The following NRG2 variants were observed in gnomAD, a reference collection of about 807,000 sequenced individuals.
NRG2 encodes neuregulin 2.
In NRG2, 27 loss-of-function variants were observed where a neutral mutation model predicts 73.9. That is an observed-to-expected ratio of 0.37 (90% CI 0.27 to 0.50). The LOEUF is 0.50. Ranked by LOEUF, NRG2 falls within the 20% of genes least tolerant of loss-of-function variation. The pLI is 0.96. For synonymous variants in NRG2, 532 were observed against 541.0 expected, an observed-to-expected ratio of 0.98 and a Z score of 0.23; for missense variants, 1,126 against 1,210.1, an observed-to-expected ratio of 0.93 and a Z score of 1.03.
intron 1 of NRG2, among the ~76,000 whole-genome samples, chr5:139,983,339 G>T (rs1281785539): frequency 1.3e-5 from 2 of 152,240 alleles, no homozygotes; most frequent in African/African-American, 4.8e-5. Flanking sequence ...TTCTGGGGAA[G>T]TTTCAGTGCC....
At position 139,904,604 on chromosome 5, in the gene NRG2, G is replaced by A. The variant is rs987516339; in HGVS notation, c.701-17093C>T. Among the ~76,000 whole-genome samples, 5 of 152,144 alleles carry A rather than the reference G, an allele frequency of 3.3e-5. No individual in the cohort carries two copies. The highest frequency in any genetic ancestry group is 2.6e-4 in the Admixed American group (4 of 15,288). ...CCACCGGCTCGGGCCGCGGGGGCGTGTGGGCGGCCGGTCTGGGCCCTAGGC... is the reference window on the plus strand; with the variant it reads ...CCACCGGCTCGGGCCGCGGGGGCGTATGGGCGGCCGGTCTGGGCCCTAGGC... On this transcript the variant is annotated intron_variant, in intron 1 of 9. Coordinates refer to ENST00000361474, the MANE Select transcript of NRG2 (RefSeq NM_004883.3). The surrounding 1 kb of genome is among the most constrained non-coding windows in gnomAD (Gnocchi z 6.0).
In NRG2 at chr5:140,031,416, G is replaced by A. The variant is rs138358568; in HGVS notation, c.700+10954C>T. Reference sequence around the variant, plus strand: ...TTTAAAAGAAACTCTTCACTTATGGGCCTTGGATTCAGCCTGTAACAACCG... The same window carrying A: ...TTTAAAAGAAACTCTTCACTTATGGACCTTGGATTCAGCCTGTAACAACCG... On this transcript the variant is annotated intron_variant, in intron 1 of 9. Transcript: ENST00000361474. 3.3e-5 allele frequency among the ~76,000 whole-genome samples: 5 copies of A among 152,260 alleles called. No individual in the cohort carries two copies. In the East Asian group the frequency reaches 9.7e-4, roughly 29 times the overall value.
intron 1 of NRG2, among the ~76,000 whole-genome samples, chr5:139,982,799 G>T (rs1006867083): frequency 2.0e-5 from 3 of 152,178 alleles, no homozygotes; most frequent in African/African-American, 4.8e-5. Context: ...CAGATCTTTT[G>T]TGTCGTACTC....
intron 1 of NRG2, among the ~76,000 whole-genome samples, chr5:139,933,120 C>G (rs1387753037): frequency 2.6e-5 from 4 of 151,952 alleles, no homozygotes; most frequent in African/African-American, 9.7e-5. Flanking sequence ...ACTAAAAATA[C>G]AAAAAATAGC....
At chr5:140,023,472 T>A (rs1760401612) in intron 1 of NRG2, among the ~76,000 whole-genome samples, 1 of 152,218 alleles carries the variant, frequency 6.6e-6, no homozygotes. Flanking sequence ...GTTCTCTGAA[T>A]CCTATAGTCT....
intron 1 of NRG2, among the ~76,000 whole-genome samples, chr5:140,032,627 C>T (rs1393690393): frequency 6.6e-6 from 1 of 152,158 alleles, no homozygotes; most frequent in Non-Finnish European, 1.5e-5. Context: ...ATTAACTTCA[C>T]CATATTTTAA....
At position 139,868,871 on chromosome 5, in the gene NRG2, G is replaced by A. The variant is rs1375557940; in HGVS notation, c.1112+2850C>T. 1.3e-5 allele frequency among the ~76,000 whole-genome samples: 2 copies of A among 151,990 alleles called. No homozygotes were observed. Among genetic ancestry groups the A allele is most frequent in the African/African-American group, 4.8e-5 (2 of 41,336 alleles). On this transcript the variant is annotated intron_variant, in intron 4 of 9. Coordinates refer to ENST00000361474, the MANE Select transcript of NRG2 (RefSeq NM_004883.3). This position sits in a 1 kb window ranked among gnomAD's most constrained non-coding sequence, Gnocchi z 4.2. ...CCTGGACATGGGTGGGGTAGGGGCA[G>A]AGGGATGAGGGGGATGAGCTGATGG...
intron 1 of NRG2, among the ~76,000 whole-genome samples, chr5:140,037,515 T>A (rs1215361571): frequency 6.6e-6 from 1 of 152,192 alleles, no homozygotes; most frequent in African/African-American, 2.4e-5. Flanking sequence ...GTAGATAAGA[T>A]CTTGGGCCAG....
chr5:139,944,888 C>A (rs563030901), intron 1 of NRG2, among the ~76,000 whole-genome samples: 1 of 152,224 alleles, frequency 6.6e-6, no homozygotes, highest in African/African-American at 2.4e-5. Context: ...TATAAGAGTT[C>A]CCTTCTCTCT....
At chr5:140,007,684 C>T (rs1448156665) in intron 1 of NRG2, among the ~76,000 whole-genome samples, 1 of 152,192 alleles carries the variant, frequency 6.6e-6, no homozygotes, top group African/African-American at 2.4e-5. Context: ...CCACCCAACC[C>T]CTGAGAAAGA....
chr5:139,851,483 C>T lies in NRG2; in HGVS notation c.1772+121G>A. 1 of 930,216 alleles carries T rather than the reference C, an allele frequency of 1.1e-6. No homozygotes were observed. The highest frequency in any genetic ancestry group is 1.6e-6 in the Non-Finnish European group (1 of 613,074). 57.6% of individuals were successfully genotyped at this position (930,216 alleles called of 1,614,324 possible). A position where few individuals can be genotyped will look rare whatever the true frequency, so the allele number is the denominator to read the frequency against. On this transcript the variant is annotated intron_variant, in intron 9 of 9. Coordinates refer to ENST00000361474, the MANE Select transcript of NRG2 (RefSeq NM_004883.3). This position sits in a 1 kb window ranked among gnomAD's most constrained non-coding sequence, Gnocchi z 4.2. ...CACCTTTTCTAGGACCTTGTTTTCC[C>T]ATATGAAAAATGGAGATGAGGCTCT...
intron 1 of NRG2, among the ~76,000 whole-genome samples, chr5:140,026,055 G>C (rs1001422995): frequency 6.6e-6 from 1 of 152,192 alleles, no homozygotes; most frequent in Admixed American, 6.5e-5. Context: ...GGAAGAGGAG[G>C]CAAGAAACTG....
At chr5:139,966,365 A>G (rs1218590621) in intron 1 of NRG2, among the ~76,000 whole-genome samples, 1 of 152,222 alleles carries the variant, frequency 6.6e-6, no homozygotes, top group Non-Finnish European at 1.5e-5. Context: ...CGAAACAAAT[A>G]AACAAAACCA....
intron 1 of NRG2, among the ~76,000 whole-genome samples, chr5:139,980,503 C>T (rs780435533): frequency 1.3e-5 from 2 of 152,160 alleles, no homozygotes; most frequent in South Asian, 4.1e-4. Flanking sequence ...CTGCTTTCAG[C>T]GTGTACCCTC....
intron 1 of NRG2, among the ~76,000 whole-genome samples, chr5:139,997,581 C>G (rs1003699781): frequency 1.3e-5 from 2 of 152,206 alleles, no homozygotes; most frequent in African/African-American, 4.8e-5. Context: ...ACTGTCTAAT[C>G]CTAGACTGAG....
At chr5:139,855,300 A>C (rs61596566) in intron 6 of NRG2, among the ~76,000 whole-genome samples, 32,161 of 152,158 alleles carry the variant, frequency 0.21, 5,711 homozygotes, top group African/African-American at 0.49. Context: ...GCTGCACGCT[A>C]CTGCTCAGGT....
chr5:139,897,102 C>G (rs1196825364), intron 1 of NRG2, among the ~76,000 whole-genome samples: 1 of 152,240 alleles, frequency 6.6e-6, no homozygotes, highest in African/African-American at 2.4e-5. Flanking sequence ...GCCCTCTGCT[C>G]CTGCTTCCCC....
At chr5:139,967,961 A>G (rs566409919) in intron 1 of NRG2, among the ~76,000 whole-genome samples, 1 of 145,772 alleles carries the variant, frequency 6.9e-6, no homozygotes, top group South Asian at 2.2e-4. Flanking sequence ...TCTGTCCCAA[A>G]AAATAAAACA....
At chr5:139,976,649 C>G (rs915781853) in intron 1 of NRG2, among the ~76,000 whole-genome samples, 1 of 152,170 alleles carries the variant, frequency 6.6e-6, no homozygotes, top group Non-Finnish European at 1.5e-5. Context: ...ACCCCAGGGT[C>G]ATTAATATAA....
Sources: allele counts gnomAD v4.1 joint callset (sites outside exome capture counted in the v4.1 genomes callset), GRCh38; gene constraint gnomAD v4.1.1; non-coding constraint Gnocchi (gnomAD v3.1); transcripts MANE v1.5; gene names NCBI Gene and HGNC (gene_info 2026-07-23, HGNC 2026-07-21).